Variants in TENM3 observed in about 807,000 individuals in gnomAD.
TENM3 encodes teneurin-3.
TENM3 carries 63 observed loss-of-function variants against 255.1 expected under a neutral mutation model. The observed-to-expected ratio is 0.25, with a 90% confidence interval of 0.20 to 0.30. TENM3 has a LOEUF of 0.30. Among genes scored for constraint, TENM3 ranks in the 10% least tolerant of loss-of-function variants. The pLI is 1.00. For synonymous variants in TENM3, 1,306 were observed against 1,322.3 expected (o/e 0.99, Z 0.27); for missense variants, 2,929 against 3,461.1 (o/e 0.85, Z 3.86).
At chr4:182,787,107 C>CT (rs1446698298) in intron 24 of TENM3, among the ~76,000 whole-genome samples, 1 of 151,880 alleles carries the variant, frequency 6.6e-6, no homozygotes, top group Non-Finnish European at 1.5e-5. Context: ...CTACAAAGCT[C>CT]AACTCATAAA....
chr4:182,173,815 G>A (rs1752264518), intron 1 of TENM3, among the ~76,000 whole-genome samples: 1 of 152,184 alleles, frequency 6.6e-6, no homozygotes, highest in Admixed American at 6.5e-5. Context: ...CACACATGGA[G>A]TATCTCCAGG....
At chr4:181,641,552 GTGTATATATATATATA>G in the TENM3 span, among the ~76,000 whole-genome samples, 10 of 21,690 alleles carry the variant, frequency 4.6e-4, no homozygotes, top group East Asian at 7.7e-3. Context: ...CATGGTGTGT[GTGTATATATATATATA>G]TATATATATA....
the TENM3 span, among the ~76,000 whole-genome samples, chr4:181,758,540 C>T: frequency 3.3e-5 from 5 of 152,134 alleles, no homozygotes; most frequent in Admixed American, 3.3e-4. Context: ...TTGAGGTTTT[C>T]CGAAGGGCTT....
the TENM3 span, among the ~76,000 whole-genome samples, chr4:181,689,126 G>A: frequency 5.8e-4 from 88 of 152,332 alleles, no homozygotes; most frequent in Admixed American, 7.2e-4. Flanking sequence ...GAATGCAGGC[G>A]ATGACGCCGC....
intron 3 of TENM3, among the ~76,000 whole-genome samples, chr4:182,486,472 T>A (rs1319346070): frequency 1.3e-5 from 2 of 152,132 alleles, no homozygotes; most frequent in African/African-American, 2.4e-5. Flanking sequence ...ATGATTTTAT[T>A]AACAGTTTAT....
the TENM3 span, among the ~76,000 whole-genome samples, chr4:181,730,622 T>C: frequency 2.0e-5 from 3 of 152,210 alleles, no homozygotes; most frequent in South Asian, 2.1e-4. Flanking sequence ...TGCGACCAGA[T>C]AGACTTTTGT....
At chr4:182,167,552 C>G (rs1751801345) in intron 1 of TENM3, among the ~76,000 whole-genome samples, 2 of 151,992 alleles carry the variant, frequency 1.3e-5, no homozygotes, top group Non-Finnish European at 2.9e-5. Context: ...AGACCTGAGT[C>G]TTAAAAAAAT....
chr4:182,146,851 C>A (rs955910266), intron 1 of TENM3, among the ~76,000 whole-genome samples: 5 of 152,236 alleles, frequency 3.3e-5, no homozygotes, highest in Non-Finnish European at 5.9e-5. Context: ...ACTAGTTATT[C>A]CTCCAAACGG....
the TENM3 span, among the ~76,000 whole-genome samples, chr4:181,630,016 C>T: frequency 6.6e-6 from 1 of 152,130 alleles, no homozygotes; most frequent in Non-Finnish European, 1.5e-5. Flanking sequence ...AACTTCAGAG[C>T]CTGTTATTGG....
chr4:182,723,871 A>T (rs181829209), intron 13 of TENM3, among the ~76,000 whole-genome samples: 1 of 152,322 alleles, frequency 6.6e-6, no homozygotes, highest in African/African-American at 2.4e-5. Flanking sequence ...CATAGAGACT[A>T]TATGGCCCAC....
chr4:182,019,585 CAA>C, the TENM3 span, among the ~76,000 whole-genome samples: 2 of 152,156 alleles, frequency 1.3e-5, no homozygotes, highest in African/African-American at 4.8e-5. Flanking sequence ...ACGTAAACAT[CAA>C]AGAGAAACCT....
the TENM3 span, among the ~76,000 whole-genome samples, chr4:181,723,309 C>T: frequency 1.3e-5 from 2 of 150,700 alleles, no homozygotes; most frequent in East Asian, 1.9e-4. Context: ...TTAGAATCTC[C>T]ATTCGTTATC....
chr4:181,869,776 G>A, the TENM3 span, among the ~76,000 whole-genome samples: 1 of 152,114 alleles, frequency 6.6e-6, no homozygotes, highest in Non-Finnish European at 1.5e-5. Flanking sequence ...AATGGGATTT[G>A]TGTCTAAATT....
the TENM3 span, among the ~76,000 whole-genome samples, chr4:182,011,424 A>G: frequency 6.6e-6 from 1 of 151,986 alleles, no homozygotes; most frequent in East Asian, 1.9e-4. Flanking sequence ...TCTCACCACA[A>G]CTCTGATCAC....
rs148199183 is a variant in TENM3 at position 182,595,352 on chromosome 4, G to A, written c.512-5572G>A. On this transcript the variant is annotated intron_variant, in intron 3 of 27. Transcript: ENST00000511685. The stretch of plus-strand genomic sequence containing the variant: ...TCTACCCTGTATCCAATAGCTCGTA[G>A]CATTTTCCTGGTATAATAGTCAACA... 1.5e-3 allele frequency among the ~76,000 whole-genome samples: 233 copies of A among 152,078 alleles called. 2 individuals are homozygous for A. In the Middle Eastern group the frequency reaches 0.034, roughly 22 times the overall value.
the TENM3 span, among the ~76,000 whole-genome samples, chr4:181,770,048 C>T: frequency 2.1e-3 from 317 of 152,172 alleles, 4 homozygotes; most frequent in African/African-American, 6.1e-3. Flanking sequence ...CCAGTTACAA[C>T]GGGGAAGCGG....
chr4:182,186,276 G>A (rs1478066756), intron 1 of TENM3, among the ~76,000 whole-genome samples: 1 of 152,140 alleles, frequency 6.6e-6, no homozygotes, highest in Non-Finnish European at 1.5e-5. Flanking sequence ...AAAATGTAGA[G>A]AAAGTAGGTT....
the TENM3 span, among the ~76,000 whole-genome samples, chr4:181,947,058 T>C: frequency 5.9e-5 from 9 of 152,210 alleles, no homozygotes; most frequent in Non-Finnish European, 1.3e-4. Flanking sequence ...ATCTATAAAA[T>C]GGGCTTCATA....
chr4:181,525,419 G>T, the TENM3 span, among the ~76,000 whole-genome samples: 2 of 132,540 alleles, frequency 1.5e-5, no homozygotes, highest in Admixed American at 7.6e-5. Context: ...AAAAAAAAAG[G>T]AATGCAGAAG....
Sources: allele counts gnomAD v4.1 joint callset (sites outside exome capture counted in the v4.1 genomes callset), GRCh38; gene constraint gnomAD v4.1.1; transcripts MANE v1.5; gene names NCBI Gene and HGNC (gene_info 2026-07-23, HGNC 2026-07-21).